Variants in XKRX observed in about 807,000 individuals in gnomAD.
The protein encoded by XKRX is XK related X-linked.
XKRX carries 11 observed loss-of-function variants against 22.4 expected under a neutral mutation model. The ratio of observed to expected loss-of-function variants is 0.49; its 90% CI spans 0.31 to 0.81. The LOEUF is 0.81. Among genes scored for constraint, XKRX ranks in the 40% least tolerant of loss-of-function variants. The pLI is 0.05. For synonymous variants in XKRX, 114 were observed against 132.2 expected (o/e 0.86, Z 0.94); for missense variants, 320 against 336.5 (o/e 0.95, Z 0.38).
At chrX:100,945,513 T>C in the XKRX span, among the ~76,000 whole-genome samples, 1 of 112,124 alleles carries the variant, frequency 8.9e-6, no homozygotes, top group African/African-American at 3.2e-5. Context: ...CCTGAGACTC[T>C]ACATTTCTAA....
chrX:100,938,772 T>G, the XKRX span, among the ~76,000 whole-genome samples: 3 of 112,496 alleles, frequency 2.7e-5, no homozygotes, highest in South Asian at 1.1e-3. Flanking sequence ...AAATTGATTC[T>G]ACACACAGCA....
the XKRX span, among the ~76,000 whole-genome samples, chrX:100,903,180 G>A: frequency 9.0e-6 from 1 of 111,262 alleles, no homozygotes; most frequent in African/African-American, 3.3e-5. Flanking sequence ...ACAAAAAAAG[G>A]CAAGAACGTT....
the XKRX span, among the ~76,000 whole-genome samples, chrX:100,936,314 G>A: frequency 9.1e-6 from 1 of 109,507 alleles, no homozygotes; most frequent in African/African-American, 3.3e-5. Context: ...GCTGAGGTGG[G>A]CAGATCACTT....
At position 100,914,814 on chromosome X, in the gene XKRX, C is replaced by T. The variant is rs746378941; in HGVS notation, c.874G>A (p.Gly292Ser). The change falls in exon 3 of 3, where the codon GGT (glycine) becomes AGT (serine). Residue 292 changes from glycine to serine, a missense_variant. Coordinates refer to ENST00000372956, the MANE Select transcript of XKRX (RefSeq NM_212559.3). ...FEPWIKFWRS[G>S]AQMPNNIEKN... is the part of the protein sequence containing the mutation. ...TCAATGTTATTGGGCATCTGGGCAC[C>T]ACTTCTCCAGAACTTAATCCAGGGC... 124 of 1,209,583 alleles carry T rather than the reference C, an allele frequency of 1.0e-4. No individual in the cohort carries two copies. The highest frequency in any genetic ancestry group is 1.3e-4 in the Non-Finnish European group (117 of 895,289).
At chrX:100,896,101 A>G in the XKRX span, among the ~76,000 whole-genome samples, 1 of 111,655 alleles carries the variant, frequency 9.0e-6, no homozygotes, top group Non-Finnish European at 1.9e-5. Flanking sequence ...AGAGTTACCA[A>G]TTTGGTCCAC....
At chrX:100,902,586 C>A in the XKRX span, among the ~76,000 whole-genome samples, 1 of 111,683 alleles carries the variant, frequency 9.0e-6, no homozygotes, top group Non-Finnish European at 1.9e-5. Flanking sequence ...TCTGTTCTAT[C>A]ATTTATAAAT....
At chrX:100,953,803 G>A in the XKRX span, among the ~76,000 whole-genome samples, 2 of 106,261 alleles carry the variant, frequency 1.9e-5, no homozygotes, top group African/African-American at 6.9e-5. Context: ...CAGCTACTCA[G>A]GAGGCTGAGA....
the XKRX span, among the ~76,000 whole-genome samples, chrX:100,902,187 C>A: frequency 1.8e-5 from 2 of 111,096 alleles, no homozygotes; most frequent in Non-Finnish European, 3.8e-5. Context: ...ACTCACAGGT[C>A]AAAGAATAAG....
At chrX:100,952,401 TA>T in the XKRX span, among the ~76,000 whole-genome samples, 65 of 102,009 alleles carry the variant, frequency 6.4e-4, no homozygotes, top group East Asian at 2.4e-3. Flanking sequence ...TGGCCTCCAT[TA>T]AAAAAAAAAA....
At chrX:100,940,867 C>G in the XKRX span, among the ~76,000 whole-genome samples, 1 of 111,729 alleles carries the variant, frequency 9.0e-6, no homozygotes, top group Non-Finnish European at 1.9e-5. Flanking sequence ...TATGAGTGCT[C>G]TATTTTAGAA....
In XKRX at chrX:100,928,390, C is replaced by A; in HGVS notation, c.-86G>T. On this transcript the variant is annotated 5_prime_UTR_variant, in exon 1 of 3. Coordinates refer to ENST00000372956, the MANE Select transcript of XKRX (RefSeq NM_212559.3). ...AAGAGAACCCTATGGCCGCTACAGT[C>A]CAAGTATAGGTGAGGAGAGCTCTGT... The A allele has an allele frequency of 8.7e-7, 1 of 1,153,801 alleles. No homozygotes were observed. Among genetic ancestry groups the A allele is most frequent in the Non-Finnish European group, 1.2e-6 (1 of 868,370 alleles).
At chrX:100,951,173 G>T in the XKRX span, among the ~76,000 whole-genome samples, 1 of 100,096 alleles carries the variant, frequency 1.0e-5, no homozygotes, top group Non-Finnish European at 2.0e-5. Context: ...GGTGGAGGTT[G>T]CAGTGAGCCG....
chrX:100,898,388 C>CT, the XKRX span, among the ~76,000 whole-genome samples: 229 of 100,410 alleles, frequency 2.3e-3, 1 homozygote, highest in African/African-American at 7.2e-3. Flanking sequence ...AAGGGCTTGC[C>CT]TTTTTTTTTT....
At chrX:100,957,312 C>T in the XKRX span, 2,446 of 1,055,781 alleles carry the variant, frequency 2.3e-3, 37 homozygotes, top group African/African-American at 0.041. Flanking sequence ...AAAATACTTA[C>T]ATGGTGACCT....
At chrX:100,899,568 A>C in the XKRX span, among the ~76,000 whole-genome samples, 2 of 112,607 alleles carry the variant, frequency 1.8e-5, no homozygotes, top group Non-Finnish European at 3.8e-5. Context: ...AGGAAGAAGT[A>C]AAATTATTCA....
At chrX:100,948,876 C>T in the XKRX span, among the ~76,000 whole-genome samples, 1 of 112,502 alleles carries the variant, frequency 8.9e-6, no homozygotes, top group South Asian at 3.6e-4. Flanking sequence ...AGATGGCCCT[C>T]CAGTTTCCCC....
At chrX:100,956,868 G>T in the XKRX span, 1 of 832,100 alleles carries the variant, frequency 1.2e-6, no homozygotes, top group South Asian at 2.1e-5. Flanking sequence ...CTAAAGTCAA[G>T]TCTAGCCTAG....
intron 1 of XKRX, among the ~76,000 whole-genome samples, chrX:100,925,026 GCA>G (rs1162516584): frequency 8.9e-6 from 1 of 111,866 alleles, no homozygotes; most frequent in Non-Finnish European, 1.9e-5. Context: ...AGAAAAAGAT[GCA>G]AAGAAAGAAC....
the XKRX span, among the ~76,000 whole-genome samples, chrX:100,942,875 G>C: frequency 9.0e-6 from 1 of 110,777 alleles, no homozygotes; most frequent in South Asian, 3.9e-4. Context: ...CAGGGGGTCT[G>C]AATGTGGAAA....
Sources: gnomAD v4.1 joint callset for allele counts (sites outside exome capture counted in the v4.1 genomes callset) on GRCh38, gnomAD v4.1.1 for gene constraint, MANE v1.5 for transcripts, NCBI Gene and HGNC (gene_info 2026-07-23, HGNC 2026-07-21) for gene names.